Variants in INSL6 observed in about 807,000 individuals in gnomAD.
INSL6 encodes the protein insulin like 6, also known as insulin-like peptide INSL6.
A neutral mutation model predicts 9.4 loss-of-function variants in INSL6; 16 were observed. The observed-to-expected ratio is 1.70, with a 90% CI of 1.15 to 2.59. INSL6 has a LOEUF of 2.59. Ranked by LOEUF, INSL6 falls within the 30% of genes most tolerant of loss-of-function variation. The probability of loss-of-function intolerance (pLI) is 0.00; values close to 1 mark genes in which losing one functional copy is unlikely to be tolerated. For missense variants in INSL6, 391 were observed against 257.3 expected (o/e 1.52, Z -3.56); for synonymous variants, 154 against 96.9 (o/e 1.59, Z -3.46).
At chr9:5,132,647 C>G (rs751776111) in intron 3 of INSL6, among the ~76,000 whole-genome samples, 16 of 152,028 alleles carry the variant, frequency 1.1e-4, no homozygotes, top group Admixed American at 9.8e-4. Context: ...CTACGTACAA[C>G]TTCAAGTTGC....
At chr9:5,041,227 G>T in the INSL6 span, 2 of 1,464,064 alleles carry the variant, frequency 1.4e-6, no homozygotes, top group Non-Finnish European at 1.9e-6. Flanking sequence ...TGGGGCGCCC[G>T]GGGACCAAGC....
chr9:5,067,320 C>A, the INSL6 span, among the ~76,000 whole-genome samples: 1 of 152,056 alleles, frequency 6.6e-6, no homozygotes, highest in Non-Finnish European at 1.5e-5. Flanking sequence ...TGCAATGAAA[C>A]CCCACTGTTA....
chr9:5,028,692 C>G, the INSL6 span, among the ~76,000 whole-genome samples: 2 of 152,340 alleles, frequency 1.3e-5, no homozygotes, highest in South Asian at 4.1e-4. Context: ...TCCATCAACA[C>G]TTGCTGCTTC....
chr9:5,150,083 T>C (rs752175200), intron 2 of INSL6, among the ~76,000 whole-genome samples: 3 of 152,146 alleles, frequency 2.0e-5, no homozygotes, highest in Non-Finnish European at 2.9e-5. Flanking sequence ...TCTCACCAAA[T>C]ACAAAAATTA....
Position 5,126,577 on chromosome 9 carries a change from C to T in INSL6, c.*11-2066G>A. 1.8e-5 allele frequency: 17 copies of T among 943,438 alleles called. No homozygotes were observed. The South Asian group carries it at 2.5e-4, about 14-fold the overall frequency. The allele number at this position is 943,438 out of a possible 1,614,324, so 58.4% of individuals were successfully genotyped here. ...ACAGCATAATCAGATGACTGTGGAA[C>T]AAGGCATGGTTATGACATGTGCCCT... On this transcript the variant is annotated intron_variant, in intron 3 of 3. Transcript: ENST00000649639.
chr9:5,080,517 G>T, the INSL6 span: 1 of 1,571,174 alleles, frequency 6.4e-7, no homozygotes, highest in Non-Finnish European at 8.6e-7. Flanking sequence ...CTCAGTTTGT[G>T]GTTCTTTAAT....
the INSL6 span, chr9:5,097,879 G>C: frequency 6.6e-6 from 1 of 152,128 alleles, no homozygotes; most frequent in South Asian, 2.1e-4. Flanking sequence ...TGCTTAATCA[G>C]ACCTACGCTA....
the INSL6 span, chr9:5,072,692 C>G: frequency 3.3e-6 from 4 of 1,200,728 alleles, no homozygotes; most frequent in Non-Finnish European, 4.5e-6. Flanking sequence ...CATATGCATA[C>G]AACGTACTCA....
chr9:5,043,454 G>A, the INSL6 span, among the ~76,000 whole-genome samples: 1 of 152,196 alleles, frequency 6.6e-6, no homozygotes, highest in Non-Finnish European at 1.5e-5. Context: ...ACAATAACAA[G>A]TGTTAGAGAA....
At chr9:5,154,645 C>T (rs1160946726) in intron 2 of INSL6, among the ~76,000 whole-genome samples, 1 of 151,954 alleles carries the variant, frequency 6.6e-6, no homozygotes, top group Admixed American at 6.5e-5. Context: ...GCAAAGAACC[C>T]CATCAACAAC....
At chr9:5,050,970 G>C in the INSL6 span, 1 of 772,638 alleles carries the variant, frequency 1.3e-6, no homozygotes, top group South Asian at 1.8e-5. Context: ...CTTGGAATCA[G>C]AAATGCTTCA....
chr9:5,134,901 T>C (rs530820067), intron 2 of INSL6, among the ~76,000 whole-genome samples: 37 of 152,082 alleles, frequency 2.4e-4, no homozygotes, highest in African/African-American at 8.4e-4. Context: ...GCAAATTGGA[T>C]AGAGTCAAGA....
the INSL6 span, among the ~76,000 whole-genome samples, chr9:5,079,366 T>C: frequency 6.6e-6 from 1 of 152,220 alleles, no homozygotes; most frequent in Non-Finnish European, 1.5e-5. Flanking sequence ...TCTGGTGGAA[T>C]CAAAGACCAC....
the INSL6 span, among the ~76,000 whole-genome samples, chr9:5,093,844 A>T: frequency 6.6e-6 from 1 of 152,186 alleles, no homozygotes; most frequent in Non-Finnish European, 1.5e-5. Context: ...TTATTCAATG[A>T]TTAAAGTCCT....
At chr9:4,996,623 C>G in the INSL6 span, among the ~76,000 whole-genome samples, 8 of 151,598 alleles carry the variant, frequency 5.3e-5, no homozygotes, top group Admixed American at 1.3e-4. Context: ...TGCATCAGAT[C>G]TTCAGTTGTA....
chr9:5,130,749 G>C (rs1159266270), intron 3 of INSL6, among the ~76,000 whole-genome samples: 9 of 144,840 alleles, frequency 6.2e-5, no homozygotes, highest in Non-Finnish European at 1.2e-4. Flanking sequence ...TTTTTTTTGA[G>C]ACGGAGTCTC....
chr9:5,059,943 T>C, the INSL6 span, among the ~76,000 whole-genome samples: 5 of 152,206 alleles, frequency 3.3e-5, no homozygotes, highest in African/African-American at 1.2e-4. Flanking sequence ...AAGTCTTTTG[T>C]AGGATGTTTG....
chr9:5,155,426 G>A (rs1304640527), intron 2 of INSL6, among the ~76,000 whole-genome samples: 1 of 150,190 alleles, frequency 6.7e-6, no homozygotes, highest in Non-Finnish European at 1.5e-5. Flanking sequence ...GTATACATAT[G>A]TAACAAACCT....
At chr9:5,081,426 A>G in the INSL6 span, among the ~76,000 whole-genome samples, 64 of 152,198 alleles carry the variant, frequency 4.2e-4, no homozygotes, top group African/African-American at 1.5e-3. Flanking sequence ...GGTGCTTTCT[A>G]CCCCAGTACT....
Sources: allele counts gnomAD v4.1 joint callset (sites outside exome capture counted in the v4.1 genomes callset), GRCh38; gene constraint gnomAD v4.1.1; transcripts MANE v1.5; gene names NCBI Gene and HGNC (gene_info 2026-07-23, HGNC 2026-07-21).